GEN1: variants seen among roughly 807,000 people sequenced by gnomAD.
GEN1 encodes GEN1 structure-specific endonuclease.
Under a neutral mutation model 67.6 loss-of-function variants are expected in GEN1, and 64 were observed. The ratio of observed to expected loss-of-function variants is 0.95; its 90% CI spans 0.77 to 1.17. The LOEUF (loss-of-function observed/expected upper bound fraction) is 1.17. Among genes scored for constraint, GEN1 ranks in the 50% most tolerant of loss-of-function variants. GEN1 has a pLI of 0.00. For missense variants in GEN1, 1,058 were observed against 1,048.3 expected (o/e 1.01, Z -0.13); for synonymous variants, 371 against 359.4 (o/e 1.03, Z -0.37).
intron 2 of GEN1, 68 bp downstream of exon 2, chr2:17,760,172 C>A: frequency 7.0e-7 from 1 of 1,421,052 alleles, no homozygotes; most frequent in Non-Finnish European, 9.5e-7. Context: ...GATTTTGTTT[C>A]ACCTTTTTTT....
chr2:17,759,829 T>C, intron 1 of GEN1, 100 bp from the exon 2 acceptor site: 1 of 990,162 alleles, frequency 1.0e-6, no homozygotes, highest in Non-Finnish European at 1.5e-6. Flanking sequence ...GAATATCCTC[T>C]ATGAATTATC....
rs1057111482 is a variant in GEN1, at chr2:17,784,350, T to G, written c.*2411T>G. The G allele has an allele frequency of 3.9e-5, 6 of 152,338 alleles. No individual in the cohort carries two copies. The highest frequency in any genetic ancestry group is 3.3e-4 in the Admixed American group (5 of 15,304). 9.4% of individuals were successfully genotyped at this position (152,338 alleles called of 1,614,324 possible). On this transcript the variant is annotated 3_prime_UTR_variant, in exon 14 of 14. Coordinates refer to ENST00000381254, the MANE Select transcript of GEN1 (RefSeq NM_001130009.3). ...GGATGTGGAGAAATTGAAATTCTCA[T>G]AACATGCTGGTAGGAATGTAAAATG...
At chr2:17,776,172 A>G (rs1672420803) in intron 11 of GEN1, among the ~76,000 whole-genome samples, 1 of 151,948 alleles carries the variant, frequency 6.6e-6, no homozygotes, top group African/African-American at 2.4e-5. Flanking sequence ...TGAGGAAACA[A>G]TCTAATGAAT....
chr2:17,768,616 TCCTATCTTTA>T, intron 5 of GEN1, 112 bp from the exon 6 acceptor site: 1 of 676,790 alleles, frequency 1.5e-6, no homozygotes. Flanking sequence ...GCATATCTTT[TCCTATCTTTA>T]TTGAAGAGTT....
At chr2:17,773,790 T>G (rs1376033513) in intron 10 of GEN1, among the ~76,000 whole-genome samples, 1 of 152,108 alleles carries the variant, frequency 6.6e-6, no homozygotes, top group Non-Finnish European at 1.5e-5. Flanking sequence ...ACTCCTAATA[T>G]AGTGGCTAGG....
At position 17,771,246 on chromosome 2, in the gene GEN1, T is replaced by C. The variant is rs1164759608; in HGVS notation, c.761T>C (p.Val254Ala). Residue 254 changes from valine (V) to alanine (A), a missense_variant, in exon 7 of 14, where the codon GTC (valine) becomes GCC (alanine). Physicochemically the swap from Val to Ala is moderately conservative, Grantham distance 64. Transcript: ENST00000381254. ...TSCNSSPQLLVTKKLAHCSVC... is the reference protein window; with the variant it reads ...TSCNSSPQLLATKKLAHCSVC... ...TGTAACTCTAGTCCACAACTGCTAGTCACTAAAAAACTGGCTCATTGTTCC... is the reference window on the plus strand; with the variant it reads ...TGTAACTCTAGTCCACAACTGCTAGCCACTAAAAAACTGGCTCATTGTTCC... The C allele has an allele frequency of 6.2e-7, 1 of 1,611,948 alleles. No homozygotes were observed. Among genetic ancestry groups the C allele is most frequent in the East Asian group, 2.2e-5 (1 of 44,838 alleles).
chr2:17,758,402 T>G (rs1206347735), intron 1 of GEN1, among the ~76,000 whole-genome samples: 1 of 152,206 alleles, frequency 6.6e-6, no homozygotes, highest in Non-Finnish European at 1.5e-5. Context: ...AGACTTTTGG[T>G]TTAATGTGTT....
intron 12 of GEN1, among the ~76,000 whole-genome samples, chr2:17,779,638 G>A (rs373525855): frequency 6.6e-6 from 1 of 150,874 alleles, no homozygotes; most frequent in Non-Finnish European, 1.5e-5. Flanking sequence ...TTTTGCTCTT[G>A]TTGCCCAGGC....
At chr2:17,758,270 G>T (rs1671514633) in intron 1 of GEN1, among the ~76,000 whole-genome samples, 1 of 152,144 alleles carries the variant, frequency 6.6e-6, no homozygotes, top group African/African-American at 2.4e-5. Flanking sequence ...GACTGCTAGG[G>T]TCAGGGTCAC....
At chr2:17,761,342 G>T in intron 2 of GEN1, 54 bp from the exon 3 acceptor site, 2 of 954,552 alleles carry the variant, frequency 2.1e-6, no homozygotes, top group South Asian at 3.3e-5. Context: ...ATACTATTTT[G>T]ACTTTTACTA....
At chr2:17,767,506 T>C (rs1170027879) in intron 5 of GEN1, among the ~76,000 whole-genome samples, 1 of 152,164 alleles carries the variant, frequency 6.6e-6, no homozygotes, top group Non-Finnish European at 1.5e-5. Flanking sequence ...ATTTATATCA[T>C]CAAAGAACTT....
chr2:17,772,700 A>C lies in GEN1; in HGVS notation c.869A>C (p.His290Pro), dbSNP rs973291253. 1.9e-6 allele frequency: 3 copies of C among 1,612,348 alleles called. No individual in the cohort carries two copies. Among genetic ancestry groups the C allele is most frequent in the Non-Finnish European group, 2.5e-6 (3 of 1,178,748 alleles). Residue 290 changes from histidine (H) to proline (P), a missense_variant, in exon 8 of 14, where the codon CAT becomes CCT. His to Pro is a moderately conservative substitution (Grantham distance 77). Coordinates refer to ENST00000381254, the MANE Select transcript of GEN1 (RefSeq NM_001130009.3). ...AAAAGTGATAAATATTGTGAGCCAC[A>C]TGACTATGAATACTGCTGTCCTTGT... The part of the protein sequence containing the change: ...LCKSDKYCEP[H>P]DYEYCCPCEW...
At chr2:17,759,840 C>A in intron 1 of GEN1, 89 bp from the exon 2 acceptor site, 1 of 1,137,718 alleles carries the variant, frequency 8.8e-7, no homozygotes, top group South Asian at 1.5e-5. Context: ...ATGAATTATC[C>A]TGAACTGGCT....
At chr2:17,768,945 T>G (rs1242870193) in intron 6 of GEN1, 134 bp downstream of exon 6, 1 of 492,456 alleles carries the variant, frequency 2.0e-6, no homozygotes, top group African/African-American at 2.0e-5. Flanking sequence ...TTGTTTGATT[T>G]AAGATAATTT....
rs545653383 is a variant in GEN1, at chr2:17,785,260, C to G, written c.*3321C>G. 1 of 152,344 alleles carries G rather than the reference C, an allele frequency of 6.6e-6. No individual in the cohort carries two copies. The highest frequency in any genetic ancestry group is 2.4e-5 in the African/African-American group (1 of 41,562). 9.4% of individuals were successfully genotyped at this position (152,344 alleles called of 1,614,324 possible). ...AGGCATAAGTGTAAAATTATAGTTC[C>G]TCCTCCTCAAGGATTTCTCTGTTTT... On this transcript the variant is annotated 3_prime_UTR_variant, in exon 14 of 14. Coordinates refer to ENST00000381254, the MANE Select transcript of GEN1 (RefSeq NM_001130009.3).
At chr2:17,775,311 A>C (rs1324809265) in intron 11 of GEN1, among the ~76,000 whole-genome samples, 1 of 152,242 alleles carries the variant, frequency 6.6e-6, no homozygotes, top group East Asian at 1.9e-4. Flanking sequence ...CTTGGTCCAA[A>C]AAAATTAGTG....
upstream of GEN1, chr2:17,754,079 CCCATT>C: frequency 6.6e-6 from 1 of 152,378 alleles, no homozygotes; most frequent in African/African-American, 2.4e-5. Flanking sequence ...CCGAGCGGGC[CCCATT>C]GGGGGAAAGG....
chr2:17,762,346 C>T (rs1232460947), intron 3 of GEN1, among the ~76,000 whole-genome samples: 5 of 151,260 alleles, frequency 3.3e-5, no homozygotes, highest in Middle Eastern at 3.4e-3. Context: ...GGACTACAGG[C>T]GCCCGCCACC....
intron 1 of GEN1, among the ~76,000 whole-genome samples, chr2:17,759,702 A>G (rs1671585530): frequency 6.6e-6 from 1 of 152,076 alleles, no homozygotes; most frequent in Non-Finnish European, 1.5e-5. Flanking sequence ...TGCATTCGCT[A>G]CCGATCTCTG....
Sources: gnomAD v4.1 joint callset for allele counts (sites outside exome capture counted in the v4.1 genomes callset) on GRCh38, gnomAD v4.1.1 for gene constraint, MANE v1.5 for transcripts, NCBI Gene and HGNC (gene_info 2026-07-23, HGNC 2026-07-21) for gene names.